Variants in SSBP3 observed in about 807,000 individuals in gnomAD.
The protein encoded by SSBP3 is single stranded DNA binding protein 3.
In SSBP3, 5 loss-of-function variants were observed where a neutral mutation model predicts 69.6. That is an observed-to-expected ratio of 0.07 (90% CI 0.04 to 0.15). The LOEUF (loss-of-function observed/expected upper bound fraction) is 0.15, where lower values mean the gene tolerates loss of function less well. Ranked by LOEUF, SSBP3 falls within the 10% of genes least tolerant of loss-of-function variation. SSBP3 has a pLI of 1.00. For missense variants in SSBP3, 312 were observed against 534.0 expected (o/e 0.58, Z 4.10); for synonymous variants, 196 against 193.4 (o/e 1.01, Z -0.11).
chr1:54,309,635 T>C (rs1485235799), intron 4 of SSBP3, among the ~76,000 whole-genome samples: 1 of 152,198 alleles, frequency 6.6e-6, no homozygotes, highest in Non-Finnish European at 1.5e-5. Context: ...CACCACTTGG[T>C]AACTCAAAGA....
chr1:54,406,415 T>C (rs1200967167), exon 1 of SSBP3: 2 of 153,714 alleles, frequency 1.3e-5, no homozygotes. Context: ...CAACCGAACG[T>C]GGCTACCCGG....
At chr1:54,383,855 C>T (rs895222391) in intron 4 of SSBP3, among the ~76,000 whole-genome samples, 1 of 152,110 alleles carries the variant, frequency 6.6e-6, no homozygotes, top group Non-Finnish European at 1.5e-5. Flanking sequence ...GCCTGTAATC[C>T]CAGCACTTTG....
chr1:54,387,322 T>C (rs1258902447), intron 4 of SSBP3, among the ~76,000 whole-genome samples: 5 of 152,176 alleles, frequency 3.3e-5, no homozygotes, highest in Non-Finnish European at 5.9e-5. Flanking sequence ...CAACCTCTCC[T>C]TGACAGCAAA....
chr1:54,394,517 T>C (rs1648719679), intron 4 of SSBP3, among the ~76,000 whole-genome samples: 1 of 151,992 alleles, frequency 6.6e-6, no homozygotes, highest in Admixed American at 6.6e-5. Context: ...AGTAGGAGCT[T>C]GGTAACCTCA....
At chr1:54,239,432 AC>A (rs1644564645) in intron 13 of SSBP3, among the ~76,000 whole-genome samples, 1 of 152,204 alleles carries the variant, frequency 6.6e-6, no homozygotes, top group South Asian at 2.1e-4. Flanking sequence ...CAGGGGGATT[AC>A]GGGTTCAAAT....
At chr1:54,358,091 G>A (rs546305704) in intron 4 of SSBP3, among the ~76,000 whole-genome samples, 16 of 152,248 alleles carry the variant, frequency 1.1e-4, no homozygotes, top group African/African-American at 2.6e-4. Flanking sequence ...GAACATTTTC[G>A]AGCTAAAAAG....
chr1:54,321,140 A>AGGCACT (rs939768429), intron 4 of SSBP3, among the ~76,000 whole-genome samples: 3 of 152,236 alleles, frequency 2.0e-5, no homozygotes, highest in Non-Finnish European at 2.9e-5. Context: ...GCTGTGACAA[A>AGGCACT]GGCACTGACC....
Position 54,231,885 on chromosome 1 carries a change from G to C in SSBP3, c.928-3059C>G, listed in dbSNP as rs1235631895. 2.6e-5 allele frequency among the ~76,000 whole-genome samples: 4 copies of C among 152,018 alleles called. No individual in the cohort carries two copies. The East Asian group carries it at 7.7e-4, about 29-fold the overall frequency. ...AATTTTGTATTTTTAGTAGAGACAG[G>C]GTTTCACCACATTGGCCAAGCTGGT... On this transcript the variant is annotated intron_variant, in intron 14 of 17. Coordinates refer to ENST00000610401, the Ensembl canonical transcript of SSBP3.
intron 5 of SSBP3, among the ~76,000 whole-genome samples, chr1:54,277,419 C>T (rs144252268): frequency 1.8e-4 from 27 of 152,282 alleles, no homozygotes; most frequent in East Asian, 1.2e-3. Context: ...TCCCTGCTTC[C>T]GCCATCCAAT....
intron 5 of SSBP3, among the ~76,000 whole-genome samples, chr1:54,261,571 A>G (rs1225339139): frequency 2.6e-5 from 4 of 152,144 alleles, no homozygotes; most frequent in Non-Finnish European, 4.4e-5. Flanking sequence ...CTCAAAGCTG[A>G]TGATACTGAT....
At chr1:54,294,920 C>T (rs180893825) in intron 4 of SSBP3, among the ~76,000 whole-genome samples, 13 of 152,214 alleles carry the variant, frequency 8.5e-5, no homozygotes, top group African/African-American at 2.4e-4. Context: ...ATACCTTCCT[C>T]CACTTCCCTG....
At chr1:54,384,930 G>A (rs1432814380) in intron 4 of SSBP3, among the ~76,000 whole-genome samples, 1 of 152,144 alleles carries the variant, frequency 6.6e-6, no homozygotes, top group African/African-American at 2.4e-5. Flanking sequence ...CAGCTCACAT[G>A]GGCCTCCAGT....
chr1:54,242,299 T>C (rs1241820460), intron 10 of SSBP3, 87 bp from the exon 11 acceptor site: 1 of 1,503,812 alleles, frequency 6.6e-7, no homozygotes, highest in Non-Finnish European at 9.2e-7. Flanking sequence ...AGGAAAGGGC[T>C]GAAATCACAA....
intron 4 of SSBP3, among the ~76,000 whole-genome samples, chr1:54,399,263 G>GT (rs894586812): frequency 5.3e-5 from 8 of 152,370 alleles, no homozygotes; most frequent in African/African-American, 1.9e-4. Flanking sequence ...CCAACAAATG[G>GT]TACTTGCCAT....
chr1:54,379,249 G>A (rs948274276), intron 4 of SSBP3, among the ~76,000 whole-genome samples: 6 of 152,338 alleles, frequency 3.9e-5, no homozygotes, highest in African/African-American at 1.2e-4. Context: ...AGCACACCTC[G>A]GCCACCCTGG....
chr1:54,359,073 G>C (rs1646912311), intron 4 of SSBP3, among the ~76,000 whole-genome samples: 1 of 152,102 alleles, frequency 6.6e-6, no homozygotes, highest in East Asian at 1.9e-4. Flanking sequence ...GAAGAACATT[G>C]GCAAACCAGA....
At chr1:54,349,748 A>G (rs571609213) in intron 4 of SSBP3, among the ~76,000 whole-genome samples, 1 of 151,684 alleles carries the variant, frequency 6.6e-6, no homozygotes, top group South Asian at 2.1e-4. Context: ...TCATTATTTT[A>G]CAGATATCTT....
chr1:54,349,415 G>A (rs1206014192), intron 4 of SSBP3, among the ~76,000 whole-genome samples: 1 of 152,234 alleles, frequency 6.6e-6, no homozygotes, highest in Non-Finnish European at 1.5e-5. Context: ...GTTAGATGCA[G>A]AAATATCAAA....
At chr1:54,243,996 C>T (rs1455733450) in intron 9 of SSBP3, among the ~76,000 whole-genome samples, 4 of 152,204 alleles carry the variant, frequency 2.6e-5, no homozygotes, top group Non-Finnish European at 5.9e-5. Context: ...GTAGTGCAAT[C>T]ATAACTCACT....
Sources: allele counts gnomAD v4.1 joint callset (sites outside exome capture counted in the v4.1 genomes callset), GRCh38; gene constraint gnomAD v4.1.1; transcripts MANE v1.5; gene names NCBI Gene and HGNC (gene_info 2026-07-23, HGNC 2026-07-21).